The following NELL1 variants were observed in gnomAD, a reference collection of about 807,000 sequenced individuals.
NELL1 encodes neural EGFL like 1, also known as protein kinase C-binding protein NELL1.
NELL1 carries 76 observed loss-of-function variants against 107.4 expected under a neutral mutation model. The observed-to-expected ratio is 0.71, with a 90% CI of 0.59 to 0.86. The LOEUF is 0.86. Among genes scored for constraint, NELL1 ranks in the 40% least tolerant of loss-of-function variants. The probability of loss-of-function intolerance (pLI) is 0.00; values close to 1 mark genes in which losing one functional copy is unlikely to be tolerated. For missense variants in NELL1, 1,024 were observed against 1,005.5 expected, an observed-to-expected ratio of 1.02 and a Z score of -0.25; for synonymous variants, 353 against 341.2, an observed-to-expected ratio of 1.03 and a Z score of -0.38.
rs561219884 is a variant in NELL1 at position 21,330,582 on chromosome 11, T to C, written c.1550-40271T>C. Among the ~76,000 whole-genome samples the C allele has an allele frequency of 1.2e-4, 18 of 152,290 alleles. No homozygotes were observed. In the East Asian group the frequency reaches 3.1e-3, roughly 26 times the overall value. ...CTGGCCTCCACTGTTTCTGGTGAGA[T>C]GTCAGTTGTTAATCTGCCTGGGATT... On this transcript the variant is annotated intron_variant, in intron 14 of 19. Transcript: ENST00000357134.
intron 2 of NELL1, among the ~76,000 whole-genome samples, chr11:20,730,034 G>A (rs551188674): frequency 1.5e-4 from 23 of 152,194 alleles, no homozygotes; most frequent in Admixed American, 4.6e-4. Context: ...ACTTGGCTTC[G>A]CTTAATCATA....
chr11:21,516,151 A>G (rs1475520017), intron 15 of NELL1, among the ~76,000 whole-genome samples: 2 of 152,212 alleles, frequency 1.3e-5, no homozygotes, highest in South Asian at 2.1e-4. Context: ...TCCCAGGTCC[A>G]TCATGCACCA....
At chr11:21,280,015 A>G (rs1422161217) in intron 14 of NELL1, among the ~76,000 whole-genome samples, 1 of 152,190 alleles carries the variant, frequency 6.6e-6, no homozygotes. Context: ...AGGCAAAACT[A>G]TGAAGACAGT....
intron 13 of NELL1, among the ~76,000 whole-genome samples, chr11:21,213,171 T>C (rs766320516): frequency 1.3e-5 from 2 of 152,050 alleles, no homozygotes; most frequent in Non-Finnish European, 2.9e-5. Context: ...TAACAAAACA[T>C]TTATAGGATC....
intron 4 of NELL1, among the ~76,000 whole-genome samples, chr11:20,863,916 G>A (rs1259509097): frequency 1.3e-5 from 2 of 152,172 alleles, no homozygotes; most frequent in African/African-American, 2.4e-5. Context: ...GACCAGCCCG[G>A]CCAACACAGT....
At chr11:21,188,036 G>A (rs1404155754) in intron 13 of NELL1, among the ~76,000 whole-genome samples, 1 of 151,760 alleles carries the variant, frequency 6.6e-6, no homozygotes, top group Non-Finnish European at 1.5e-5. Context: ...CATCTGAAAG[G>A]AGAGCTCAAT....
chr11:21,100,271 G>C (rs1035114111), intron 12 of NELL1, among the ~76,000 whole-genome samples: 7 of 152,142 alleles, frequency 4.6e-5, no homozygotes, highest in Admixed American at 3.9e-4. Flanking sequence ...TCCCGCCTAG[G>C]CTTCCCAAAG....
At chr11:21,386,289 C>T (rs536465647) in intron 15 of NELL1, among the ~76,000 whole-genome samples, 6 of 151,874 alleles carry the variant, frequency 4.0e-5, no homozygotes, top group Middle Eastern at 3.4e-3. Flanking sequence ...CTGCTGGTGC[C>T]ATTCTTCCCA....
intron 17 of NELL1, among the ~76,000 whole-genome samples, chr11:21,569,099 G>T (rs933294539): frequency 1.3e-5 from 2 of 151,550 alleles, no homozygotes; most frequent in Admixed American, 1.3e-4. Flanking sequence ...CATAATGGCT[G>T]CGATGTCACT....
At chr11:21,408,453 T>G (rs973819108) in intron 15 of NELL1, among the ~76,000 whole-genome samples, 5 of 152,008 alleles carry the variant, frequency 3.3e-5, no homozygotes, top group Non-Finnish European at 7.4e-5. Context: ...GGGCTTTGAG[T>G]TCTTTTGCTA....
At chr11:21,309,318 T>C (rs542585868) in intron 14 of NELL1, among the ~76,000 whole-genome samples, 2 of 142,154 alleles carry the variant, frequency 1.4e-5, no homozygotes. Flanking sequence ...ATATAATATA[T>C]ATATATATTT....
intron 2 of NELL1, among the ~76,000 whole-genome samples, chr11:20,758,376 C>A (rs1255833474): frequency 6.6e-6 from 1 of 152,162 alleles, no homozygotes; most frequent in East Asian, 1.9e-4. Flanking sequence ...TTGAGAACTT[C>A]CATGAATCTG....
intron 12 of NELL1, among the ~76,000 whole-genome samples, chr11:20,987,140 T>A (rs10833427): frequency 0.24 from 36,245 of 152,036 alleles, 4,551 homozygotes; most frequent in Middle Eastern, 0.37. Flanking sequence ...CCTAATTCTA[T>A]TGAAAAAGGC....
chr11:21,099,395 C>A (rs1366118197), intron 12 of NELL1, among the ~76,000 whole-genome samples: 1 of 151,936 alleles, frequency 6.6e-6, no homozygotes, highest in Admixed American at 6.6e-5. Context: ...GAAGAGAATG[C>A]CTCTCTCATC....
At chr11:20,750,339 A>T (rs1251251038) in intron 2 of NELL1, among the ~76,000 whole-genome samples, 8 of 152,074 alleles carry the variant, frequency 5.3e-5, no homozygotes, top group East Asian at 1.9e-4. Context: ...AGATAGATGC[A>T]TTGCAGGTAC....
At chr11:21,219,269 A>G (rs1036055225) in intron 13 of NELL1, among the ~76,000 whole-genome samples, 8 of 152,084 alleles carry the variant, frequency 5.3e-5, no homozygotes, top group Non-Finnish European at 8.8e-5. Flanking sequence ...TGTTGTCCAT[A>G]TTGCTGCCTG....
At chr11:21,118,635 C>T (rs1855291373) in intron 13 of NELL1, among the ~76,000 whole-genome samples, 1 of 152,046 alleles carries the variant, frequency 6.6e-6, no homozygotes, top group South Asian at 2.1e-4. Context: ...ATTGACAGGC[C>T]TAAAGGCATT....
chr11:20,670,010 G>A (rs1313657286), intron 1 of NELL1, among the ~76,000 whole-genome samples: 2 of 152,220 alleles, frequency 1.3e-5, no homozygotes, highest in Non-Finnish European at 2.9e-5. Context: ...GGCCTCAGGG[G>A]CGCAGGAGTG....
chr11:20,677,172 T>C (rs1454371720), intron 1 of NELL1, among the ~76,000 whole-genome samples: 1 of 152,180 alleles, frequency 6.6e-6, no homozygotes, highest in Admixed American at 6.5e-5. Context: ...ATATATCCAT[T>C]ATTCCAGGGA....
Sources: allele counts gnomAD v4.1 joint callset (sites outside exome capture counted in the v4.1 genomes callset), GRCh38; gene constraint gnomAD v4.1.1; transcripts MANE v1.5; gene names NCBI Gene and HGNC (gene_info 2026-07-23, HGNC 2026-07-21).